The following SHANK2 variants were observed in gnomAD, a reference collection of about 807,000 sequenced individuals.
The protein encoded by SHANK2 is SH3 and multiple ankyrin repeat domains 2.
A neutral mutation model predicts 133.7 loss-of-function variants in SHANK2; 43 were observed. That is an observed-to-expected ratio of 0.32 (90% CI 0.25 to 0.41). The LOEUF is 0.41. SHANK2 is among the 10% of genes least tolerant of loss of function. SHANK2 has a pLI of 1.00. For synonymous variants in SHANK2, 1,017 were observed against 952.8 expected, an observed-to-expected ratio of 1.07 and a Z score of -1.24; for missense variants, 1,994 against 2,235.8, an observed-to-expected ratio of 0.89 and a Z score of 2.18.
At chr11:70,842,074 G>A (rs1446169015) in intron 11 of SHANK2, among the ~76,000 whole-genome samples, 2 of 152,186 alleles carry the variant, frequency 1.3e-5, no homozygotes, top group Non-Finnish European at 2.9e-5. Flanking sequence ...AAGCCTGGAT[G>A]GGTGTCACAG....
intron 14 of SHANK2, among the ~76,000 whole-genome samples, chr11:70,789,528 T>A (rs1175998951): frequency 6.6e-6 from 1 of 152,102 alleles, no homozygotes; most frequent in African/African-American, 2.4e-5. Flanking sequence ...AGCCAGAAGA[T>A]TCCGGAAGCC....
At chr11:70,704,331 T>C (rs1945612232) in intron 14 of SHANK2, among the ~76,000 whole-genome samples, 1 of 152,256 alleles carries the variant, frequency 6.6e-6, no homozygotes, top group African/African-American at 2.4e-5. Context: ...TTAATAGTTG[T>C]GCTGCTGCAC....
At chr11:70,679,765 G>A (rs2134377427) in intron 15 of SHANK2, among the ~76,000 whole-genome samples, 1 of 152,358 alleles carries the variant, frequency 6.6e-6, no homozygotes, top group South Asian at 2.1e-4. Flanking sequence ...AGAGGCCACC[G>A]CTGCCCGCTG....
At chr11:70,640,087 C>T (rs957411006) in intron 17 of SHANK2, among the ~76,000 whole-genome samples, 27 of 152,340 alleles carry the variant, frequency 1.8e-4, no homozygotes, top group Non-Finnish European at 1.2e-4. Context: ...CCTGGGGCCA[C>T]GCACAGCTAG....
chr11:70,729,968 C>T (rs1193725095), intron 14 of SHANK2, among the ~76,000 whole-genome samples: 2 of 151,590 alleles, frequency 1.3e-5, no homozygotes, highest in Non-Finnish European at 2.9e-5. Context: ...TGCTCCACCA[C>T]CTAGGGGTTC....
In SHANK2 at chr11:70,891,242, C is replaced by T. The variant is rs530499828; in HGVS notation, c.1174+5259G>A. Among the ~76,000 whole-genome samples the T allele has an allele frequency of 1.5e-4, 23 of 152,092 alleles. 1 individual carries two copies. The South Asian group carries it at 4.6e-3, about 30-fold the overall frequency. On this transcript the variant is annotated intron_variant, in intron 11 of 25. Transcript: ENST00000601538. ...GCTGAAAACCACCAGAGGCCGGGCA[C>T]GGTGGCTCACGCCTGTAATCCCAGC...
chr11:70,784,363 T>TTTTTTTTG, intron 14 of SHANK2, among the ~76,000 whole-genome samples: 2 of 135,520 alleles, frequency 1.5e-5, no homozygotes, highest in African/African-American at 6.1e-5. Context: ...TTTTTTTTTT[T>TTTTTTTTG]TTTTTTTTTT....
chr11:70,923,563 A>G (rs1950381800), intron 10 of SHANK2, among the ~76,000 whole-genome samples: 1 of 151,844 alleles, frequency 6.6e-6, no homozygotes, highest in African/African-American at 2.4e-5. Context: ...TTTTTGAGAG[A>G]GACAGGATCC....
chr11:70,935,316 C>T (rs1950557444), intron 10 of SHANK2, among the ~76,000 whole-genome samples: 1 of 152,142 alleles, frequency 6.6e-6, no homozygotes, highest in African/African-American at 2.4e-5. Flanking sequence ...TACTAGCCTC[C>T]ATTTCTGGCA....
chr11:70,851,240 G>A (rs573624090), intron 11 of SHANK2, among the ~76,000 whole-genome samples: 1 of 152,334 alleles, frequency 6.6e-6, no homozygotes, highest in East Asian at 1.9e-4. Flanking sequence ...GCACAAGAAA[G>A]GGCTGTTGTA....
intron 14 of SHANK2, among the ~76,000 whole-genome samples, chr11:70,751,155 C>T (rs1357521891): frequency 6.6e-6 from 1 of 152,152 alleles, no homozygotes; most frequent in Non-Finnish European, 1.5e-5. Context: ...GAGAAAAGCA[C>T]ATAAACTTAC....
At chr11:71,207,094 AAAAAG>A (rs1483010567) in intron 2 of SHANK2, among the ~76,000 whole-genome samples, 12 of 149,994 alleles carry the variant, frequency 8.0e-5, no homozygotes, top group African/African-American at 3.0e-4. Context: ...TCAAAATAAA[AAAAAG>A]AAAAGAAAAG....
chr11:70,524,061 G>T (rs1397066558), intron 17 of SHANK2, among the ~76,000 whole-genome samples: 1 of 152,192 alleles, frequency 6.6e-6, no homozygotes, highest in African/African-American at 2.4e-5. Flanking sequence ...TGACGACATG[G>T]CTGCCCCTGG....
At chr11:70,692,574 G>T (rs1223292956) in intron 15 of SHANK2, among the ~76,000 whole-genome samples, 6 of 152,152 alleles carry the variant, frequency 3.9e-5, no homozygotes, top group African/African-American at 1.4e-4. Context: ...GCTTCTATTT[G>T]CAGGGCCCTT....
chr11:70,752,141 A>C (rs1186295708), intron 14 of SHANK2, among the ~76,000 whole-genome samples: 1 of 152,014 alleles, frequency 6.6e-6, no homozygotes, highest in Non-Finnish European at 1.5e-5. Flanking sequence ...TAGAGATGTG[A>C]TCTCACTTTC....
chr11:70,537,103 C>T (rs2059553863), intron 17 of SHANK2, among the ~76,000 whole-genome samples: 1 of 152,210 alleles, frequency 6.6e-6, no homozygotes, highest in African/African-American at 2.4e-5. Context: ...GCCTCCCAAA[C>T]ACTGAGATCC....
rs575569633 is a variant in SHANK2, at chr11:70,851,783, C to T, written c.1175-31101G>A. On this transcript the variant is annotated intron_variant, in intron 11 of 25. Coordinates refer to ENST00000601538, the MANE Select transcript of SHANK2 (RefSeq NM_012309.5). Reference sequence around the variant, plus strand: ...GAAATACTTGAGAGAGCAGTAGCATCGTTATTAAGGACCCAGAGCTTGGGG... The same window carrying T: ...GAAATACTTGAGAGAGCAGTAGCATTGTTATTAAGGACCCAGAGCTTGGGG... Among the ~76,000 whole-genome samples, 355 of 152,318 alleles carry T rather than the reference C, an allele frequency of 2.3e-3. 5 individuals are homozygous for T. Among genetic ancestry groups the T allele is most frequent in the Middle Eastern group, 0.017 (5 of 294 alleles).
At chr11:71,122,546 A>G (rs1170370602) in intron 3 of SHANK2, among the ~76,000 whole-genome samples, 1 of 152,186 alleles carries the variant, frequency 6.6e-6, no homozygotes, top group Non-Finnish European at 1.5e-5. Flanking sequence ...TACCTAATGT[A>G]AATGACGAGT....
intron 6 of SHANK2, among the ~76,000 whole-genome samples, chr11:71,105,901 G>T (rs1469570865): frequency 3.3e-5 from 5 of 152,004 alleles, no homozygotes; most frequent in Non-Finnish European, 7.4e-5. Context: ...GAGGATCACT[G>T]TTGGGTACAG....
Sources: allele counts gnomAD v4.1 joint callset (sites outside exome capture counted in the v4.1 genomes callset), GRCh38; gene constraint gnomAD v4.1.1; transcripts MANE v1.5; gene names NCBI Gene and HGNC (gene_info 2026-07-23, HGNC 2026-07-21).